FCHSD1: variants seen among roughly 807,000 people sequenced by gnomAD.
FCHSD1 encodes F-BAR and double SH3 domains protein 1.
FCHSD1 carries 109 observed loss-of-function variants against 101.3 expected under a neutral mutation model. The observed-to-expected ratio is 1.08, with a 90% CI of 0.92 to 1.26. FCHSD1 has a LOEUF of 1.26. FCHSD1 is among the 50% of genes most tolerant of loss of function. FCHSD1 has a pLI of 0.00. For missense variants in FCHSD1, 820 were observed against 895.8 expected (o/e 0.92, Z 1.08); for synonymous variants, 291 against 356.8 (o/e 0.82, Z 2.08).
intron 18 of FCHSD1, chr5:141,642,045 A>C (rs2099906974): frequency 1.8e-6 from 1 of 543,138 alleles, no homozygotes; most frequent in Non-Finnish European, 3.3e-6. Context: ...ATAAATGACT[A>C]AGTGCTAAGT....
rs1190699546 is a variant in FCHSD1, at chr5:141,649,686, G to A, written c.234-150C>T. On this transcript the variant is annotated intron_variant, in intron 4 of 19. Transcript: ENST00000435817. This position sits in a 1 kb window ranked among gnomAD's most constrained non-coding sequence, Gnocchi z 4.1. ...AGCCCATCAATCGATCAGCCCATTA[G>A]CTCAGCCACAAGCCTCACTCCTGCC... 7.1e-6 allele frequency: 9 copies of A among 1,273,160 alleles called. No homozygotes were observed. In the South Asian group the frequency reaches 9.0e-5, roughly 13 times the overall value. The allele number at this position is 1,273,160 out of a possible 1,614,324, so 78.9% of individuals were successfully genotyped here.
intron 9 of FCHSD1, 41 bp from the exon 10 acceptor site, chr5:141,647,271 C>T (rs891996510): frequency 1.3e-6 from 2 of 1,580,662 alleles, no homozygotes; most frequent in Non-Finnish European, 1.7e-6. Context: ...TTCACTGACT[C>T]ACTCTCCAAC....
At chr5:141,648,491 C>A (rs2099907944) in intron 7 of FCHSD1, among the ~76,000 whole-genome samples, 1 of 152,208 alleles carries the variant, frequency 6.6e-6, no homozygotes, top group African/African-American at 2.4e-5. Flanking sequence ...AATGTTCTTC[C>A]CCTAGATCTT....
chr5:141,651,160 T>A, intron 1 of FCHSD1, 43 bp from the exon 2 acceptor site: 5 of 1,490,364 alleles, frequency 3.4e-6, no homozygotes, highest in East Asian at 2.5e-5. Context: ...CGCAAGGACC[T>A]AAAAAACACT....
At chr5:141,646,214 G>A (rs537243609) in intron 11 of FCHSD1, 23 bp from the exon 12 acceptor site, 43 of 1,573,238 alleles carry the variant, frequency 2.7e-5, no homozygotes, top group Non-Finnish European at 3.5e-5. Context: ...GCAGAGAACA[G>A]GGGTGGGTGG....
At position 141,640,801 on chromosome 5, in the gene FCHSD1, C is replaced by G; in HGVS notation, c.*697G>C. On this transcript the variant is annotated 3_prime_UTR_variant, in exon 20 of 20. Transcript: ENST00000435817. ...AGCTCTACTTCCACCTGGAGTTGCA[C>G]AGTCTCAGGCTGGGGGCCTCAGGAG... 1 of 861,402 alleles carries G rather than the reference C, an allele frequency of 1.2e-6. No homozygotes were observed. The highest frequency in any genetic ancestry group is 1.8e-6 in the Non-Finnish European group (1 of 571,200). 53.4% of individuals were successfully genotyped at this position (861,402 alleles called of 1,614,324 possible). A position where few individuals can be genotyped will look rare whatever the true frequency, so the allele number is the denominator to read the frequency against.
Position 141,641,339 on chromosome 5 carries a change from C to CT in FCHSD1, c.*158dup. On this transcript the variant is annotated 3_prime_UTR_variant, in exon 20 of 20. Coordinates refer to ENST00000435817, the MANE Select transcript of FCHSD1 (RefSeq NM_033449.3). ...GGAAAAAAAGGAGTGGGTTCCAGCT[C>CT]TAGAAATGGGAAGGGGCAAGTTTCC... 1 of 585,662 alleles carries CT rather than the reference C, an allele frequency of 1.7e-6. No homozygotes were observed. The highest frequency in any genetic ancestry group is 4.1e-5 in the South Asian group (1 of 24,688). The allele number at this position is 585,662 out of a possible 1,614,324, so 36.3% of individuals were successfully genotyped here. A position where few individuals can be genotyped will look rare whatever the true frequency, so the allele number is the denominator to read the frequency against.
In FCHSD1 at chr5:141,640,356, G is replaced by T; in HGVS notation, c.*1142C>A. The T allele has an allele frequency of 6.2e-7, 1 of 1,614,086 alleles. No individual in the cohort carries two copies. Among genetic ancestry groups the T allele is most frequent in the South Asian group, 1.1e-5 (1 of 91,082 alleles). ...CTCTTATTGCTCTCTACTCTGGGGG[G>T]CACTGATAGGACCTACTCCTGGTCT... On this transcript the variant is annotated 3_prime_UTR_variant, in exon 20 of 20. Transcript: ENST00000435817.
intron 18 of FCHSD1, 140 bp downstream of exon 18, chr5:141,642,861 G>T: frequency 2.7e-6 from 2 of 748,488 alleles, no homozygotes; most frequent in Non-Finnish European, 4.2e-6. Flanking sequence ...AGTCAGCCTG[G>T]CTCCAGAGCC....
At position 141,650,332 on chromosome 5, in the gene FCHSD1, G is replaced by A. The variant is rs750956141; in HGVS notation, c.165+27C>T. ...TGATATAAGAGAGGCTGGAACAAGA[G>A]GTAAGGTCCAGAGAAAAGTCCCATA... On this transcript the variant is annotated intron_variant, in intron 3 of 19. Transcript: ENST00000435817. 6.8e-6 allele frequency: 11 copies of A among 1,613,524 alleles called. No homozygotes were observed. In the Admixed American group the frequency reaches 1.2e-4, roughly 17 times the overall value.
chr5:141,647,932 C>T, intron 8 of FCHSD1, 36 bp downstream of exon 8: 1 of 1,605,852 alleles, frequency 6.2e-7, no homozygotes, highest in African/African-American at 1.3e-5. Context: ...CTTTCCCTCC[C>T]TGCTGAGGGA....
At chr5:141,644,817 C>T (rs748292285) in intron 15 of FCHSD1, 42 bp downstream of exon 15, 8 of 1,608,046 alleles carry the variant, frequency 5.0e-6, no homozygotes, top group Admixed American at 3.4e-5. Context: ...GTCCCTCCTA[C>T]TGCCCCCAAC....
intron 8 of FCHSD1, chr5:141,647,728 T>C: frequency 1.0e-6 from 1 of 964,628 alleles, no homozygotes; most frequent in Non-Finnish European, 1.5e-6. Context: ...ACTAGTGCTA[T>C]AAGATAGGCA....
Position 141,640,845 on chromosome 5 carries a change from CT to C in FCHSD1, c.*652del, listed in dbSNP as rs2099906789. 6.5e-6 allele frequency: 4 copies of C among 618,914 alleles called. No homozygotes were observed. Among genetic ancestry groups the C allele is most frequent in the Non-Finnish European group, 1.1e-5 (4 of 358,596 alleles). The allele number at this position is 618,914 out of a possible 1,614,324, so 38.3% of individuals were successfully genotyped here. ...TCAGGAGAGGTCACAGCCCCTCAGT[CT>C]CTTCTCCTTCCCCTGCCTGCAACAG... On this transcript the variant is annotated 3_prime_UTR_variant, in exon 20 of 20. Coordinates refer to ENST00000435817, the MANE Select transcript of FCHSD1 (RefSeq NM_033449.3).
At chr5:141,647,689 G>A (rs749453990) in intron 8 of FCHSD1, 169 bp from the exon 9 acceptor site, 17 of 1,095,792 alleles carry the variant, frequency 1.6e-5, no homozygotes, top group East Asian at 5.2e-5. Context: ...TTTAAAACAC[G>A]TTCACATCCA....
In FCHSD1 at chr5:141,647,485, G is replaced by C; in HGVS notation, c.741C>G (p.Asp247Glu). 1 of 1,612,572 alleles carries C rather than the reference G, an allele frequency of 6.2e-7. No individual in the cohort carries two copies. The highest frequency in any genetic ancestry group is 8.5e-7 in the Non-Finnish European group (1 of 1,179,466). ...CAGTGTGGCTCAGGGAGGTCAGGGGGTCCCTCAAGTGCTCTGACAGCTCAC... is the reference window on the plus strand; with the variant it reads ...CAGTGTGGCTCAGGGAGGTCAGGGGCTCCCTCAAGTGCTCTGACAGCTCAC... The part of the protein sequence containing the change: ...LVSELSEHLR[D>E]PLTSLSHTEL... The change falls in exon 9 of 20, where the codon GAC becomes GAG. Residue 247 changes from aspartate (D) to glutamate (E), a missense_variant. By Grantham distance (45) the Asp-to-Glu change is conservative (BLOSUM62 2). Transcript: ENST00000435817.
Position 141,640,098 on chromosome 5 carries a change from C to G in FCHSD1, c.*1400G>C, listed in dbSNP as rs778319234. The G allele has an allele frequency of 6.2e-7, 1 of 1,613,652 alleles. No homozygotes were observed. The highest frequency in any genetic ancestry group is 1.7e-5 in the Admixed American group (1 of 60,006). On this transcript the variant is annotated 3_prime_UTR_variant, in exon 20 of 20. Transcript: ENST00000435817. ...GGAGAGGCTGCCCCCTGAGAGGCCA[C>G]AGCCCCAGGTCCTAGCCAGCCCCCC... is the stretch of plus-strand genomic sequence containing the variant.
rs2099907392 is a variant in FCHSD1, at chr5:141,644,344, G to A, written c.1737C>T (p.Ala579=). 2 of 1,613,828 alleles carry A rather than the reference G, an allele frequency of 1.2e-6. No homozygotes were observed. Among genetic ancestry groups the A allele is most frequent in the South Asian group, 2.2e-5 (2 of 91,080 alleles). Residue 579 remains alanine, a synonymous_variant, in exon 17 of 20, where the codon GCC becomes GCT. Transcript: ENST00000435817. ...EGALIRLLPR[A]QDGVDDGFWR... ...AGAAGCCGTCATCTACTCCATCTTG[G>A]GCCCGGGGCAGCAGACGGATGAGTG...
chr5:141,649,170 A>C lies in FCHSD1; in HGVS notation c.512+2T>G. The C allele has an allele frequency of 1.2e-6, 2 of 1,613,700 alleles. No homozygotes were observed. Among genetic ancestry groups the C allele is most frequent in the South Asian group, 2.2e-5 (2 of 91,048 alleles). ...GGGCTTCCTCACTCTCCATGACCCC[A>C]CCTGGCCTGGACATCAGCCGCCTTC... On this transcript the variant is annotated splice_donor_variant, in intron 6 of 19. Transcript: ENST00000435817. LOFTEE classifies it high-confidence loss of function. This position sits in a 1 kb window ranked among gnomAD's most constrained non-coding sequence, Gnocchi z 4.1.
Sources: gnomAD v4.1 joint callset for allele counts (sites outside exome capture counted in the v4.1 genomes callset) on GRCh38, gnomAD v4.1.1 for gene constraint, Gnocchi (gnomAD v3.1) non-coding constraint, MANE v1.5 for transcripts, NCBI Gene and HGNC (gene_info 2026-07-23, HGNC 2026-07-21) for gene names.